Variants in ABCC4 observed in about 807,000 individuals in gnomAD.
ABCC4 encodes ATP-binding cassette sub-family C member 4.
ABCC4 carries 102 observed loss-of-function variants against 168.5 expected under a neutral mutation model. The ratio of observed to expected loss-of-function variants is 0.61; its 90% CI spans 0.52 to 0.71. The LOEUF (loss-of-function observed/expected upper bound fraction) is 0.71, where lower values mean the gene tolerates loss of function less well. Ranked by LOEUF, ABCC4 falls within the 30% of genes least tolerant of loss-of-function variation. The pLI is 0.00. For missense variants in ABCC4, 1,402 were observed against 1,605.8 expected, an observed-to-expected ratio of 0.87 and a Z score of 2.17; for synonymous variants, 617 against 590.7, an observed-to-expected ratio of 1.04 and a Z score of -0.65.
chr13:95,233,200 T>C (rs1241215864), intron 4 of ABCC4, among the ~76,000 whole-genome samples: 1 of 152,102 alleles, frequency 6.6e-6, no homozygotes, highest in East Asian at 1.9e-4. Context: ...CTTTACAATG[T>C]ACATTATATA....
chr13:95,086,543 C>G (rs115235660), intron 20 of ABCC4, among the ~76,000 whole-genome samples: 2,147 of 152,272 alleles, frequency 0.014, 63 homozygotes, highest in African/African-American at 0.049. Context: ...ACTACAATGC[C>G]TGTTTGGCAT....
intron 19 of ABCC4, among the ~76,000 whole-genome samples, chr13:95,135,249 TTTAA>T (rs1274102780): frequency 2.6e-5 from 4 of 152,126 alleles, no homozygotes; most frequent in Non-Finnish European, 5.9e-5. Context: ...TTTGCTCATA[TTTAA>T]TTTAGACTCG....
intron 1 of ABCC4, among the ~76,000 whole-genome samples, chr13:95,296,301 T>C (rs1470338544): frequency 2.0e-5 from 3 of 151,920 alleles, no homozygotes; most frequent in African/African-American, 7.2e-5. Context: ...CTGGGCAACA[T>C]AGTGAGACCT....
chr13:95,299,640 A>G (rs1040126448), intron 1 of ABCC4, among the ~76,000 whole-genome samples: 3 of 152,042 alleles, frequency 2.0e-5, no homozygotes, highest in African/African-American at 7.2e-5. Context: ...ATGGCCCAAG[A>G]CAATTCTTCC....
intron 1 of ABCC4, among the ~76,000 whole-genome samples, chr13:95,256,639 T>A (rs948220137): frequency 6.6e-6 from 1 of 151,958 alleles, no homozygotes; most frequent in Non-Finnish European, 1.5e-5. Context: ...GCACCTGTAG[T>A]CCCAGCTACT....
At chr13:95,053,653 T>G (rs1022126251) in intron 26 of ABCC4, 1 of 162,990 alleles carries the variant, frequency 6.1e-6, no homozygotes, top group African/African-American at 2.4e-5. Flanking sequence ...TTAGGATTAT[T>G]TTCTCCGTTG....
At chr13:95,116,884 C>T (rs1028475294) in intron 19 of ABCC4, among the ~76,000 whole-genome samples, 4 of 152,128 alleles carry the variant, frequency 2.6e-5, no homozygotes, top group Non-Finnish European at 4.4e-5. Flanking sequence ...TTCTAATCAA[C>T]GCTTCCGGAA....
rs71111594 is a variant in ABCC4 at position 95,126,720 on chromosome 13, A to AATATATATAT, written c.2456-10729_2456-10720dup. Reference sequence around the variant, plus strand: ...ATAAAAATGCATGAACTTTTTTTGGAATATATATATATATATATATATATA... The same window carrying AATATATATAT: ...ATAAAAATGCATGAACTTTTTTTGGAATATATATATATATATATATATATATATATATATA... On this transcript the variant is annotated intron_variant, in intron 19 of 30. Coordinates refer to ENST00000645237, the MANE Select transcript of ABCC4 (RefSeq NM_005845.5). Among the ~76,000 whole-genome samples, 711 of 81,628 alleles carry AATATATATAT rather than the reference A, an allele frequency of 8.7e-3. 68 individuals carry two copies. Among genetic ancestry groups the AATATATATAT allele is most frequent in the Admixed American group, 0.013 (72 of 5,524 alleles). 53.6% of individuals were successfully genotyped at this position (81,628 alleles called of 152,430 possible).
chr13:95,201,657 A>G (rs1286610015), intron 8 of ABCC4, among the ~76,000 whole-genome samples: 1 of 152,188 alleles, frequency 6.6e-6, no homozygotes, highest in African/African-American at 2.4e-5. Flanking sequence ...TGGAGAGCCC[A>G]AAAGAAGAGA....
intron 19 of ABCC4, among the ~76,000 whole-genome samples, chr13:95,142,841 T>G (rs1038816437): frequency 9.2e-5 from 14 of 152,120 alleles, no homozygotes; most frequent in African/African-American, 2.9e-4. Flanking sequence ...CCAAATACTG[T>G]TTGACTTCTA....
intron 13 of ABCC4, among the ~76,000 whole-genome samples, chr13:95,176,240 G>T (rs1162853459): frequency 8.8e-5 from 7 of 79,398 alleles, no homozygotes; most frequent in Non-Finnish European, 1.3e-4. Context: ...GGGGGGGGGG[G>T]GGGGGTGGAT....
intron 19 of ABCC4, among the ~76,000 whole-genome samples, chr13:95,155,203 G>A (rs917662355): frequency 1.3e-5 from 2 of 151,790 alleles, no homozygotes; most frequent in Non-Finnish European, 2.9e-5. Flanking sequence ...AAGCTGGGAA[G>A]GAATCATTCT....
chr13:95,091,830 AT>A, intron 20 of ABCC4, among the ~76,000 whole-genome samples: 1 of 152,328 alleles, frequency 6.6e-6, no homozygotes, highest in African/African-American at 2.4e-5. Flanking sequence ...CAACACTAAT[AT>A]TGAATGTAAA....
At chr13:95,214,471 G>A (rs2039054512) in intron 4 of ABCC4, among the ~76,000 whole-genome samples, 1 of 152,052 alleles carries the variant, frequency 6.6e-6, no homozygotes, top group South Asian at 2.1e-4. Context: ...CAAAAACAAA[G>A]AGATCTATAC....
intron 20 of ABCC4, among the ~76,000 whole-genome samples, chr13:95,102,996 G>A (rs2034867782): frequency 2.6e-5 from 4 of 151,656 alleles, no homozygotes; most frequent in Non-Finnish European, 4.4e-5. Context: ...GCCGGGCGCA[G>A]TGGCTCACGC....
intron 27 of ABCC4, among the ~76,000 whole-genome samples, chr13:95,047,601 TCC>T (rs2032643562): frequency 6.8e-6 from 1 of 147,364 alleles, no homozygotes; most frequent in South Asian, 2.2e-4. Flanking sequence ...TGCCTCAGCC[TCC>T]CGAGTAGCTG....
chr13:95,062,768 T>A lies in ABCC4; in HGVS notation c.3302A>T (p.Asp1101Val). The change falls in exon 26 of 31, where the codon GAT (aspartate) becomes GTT (valine). Residue 1101 changes from aspartate to valine, a missense_variant. This residue lies in a region of ABCC4 where 1,007 missense variants were observed against 1,127.3 expected (regional missense o/e 0.89). Transcript: ENST00000645237. ...LSEPEGKIWIDKILTTEIGLH... is the reference protein window; with the variant it reads ...LSEPEGKIWIVKILTTEIGLH... ...TCCAATTTCAGTTGTCAAGATCTTATCAATCCAAATTTTACCTTCGGGTTC... is the reference window on the plus strand; with the variant it reads ...TCCAATTTCAGTTGTCAAGATCTTAACAATCCAAATTTTACCTTCGGGTTC... The A allele has an allele frequency of 6.2e-7, 1 of 1,614,030 alleles. No homozygotes were observed. The highest frequency in any genetic ancestry group is 8.5e-7 in the Non-Finnish European group (1 of 1,180,006).
rs11412332 is a variant in ABCC4 at position 95,243,897 on chromosome 13, TA to T, written c.306+3077del. Among the ~76,000 whole-genome samples the T allele has an allele frequency of 4.7e-4, 67 of 142,096 alleles. 1 individual carries two copies. Among genetic ancestry groups the T allele is most frequent in the Admixed American group, 5.6e-4 (8 of 14,260 alleles). The allele number at this position is 142,096 out of a possible 152,430, so 93.2% of individuals were successfully genotyped here. On this transcript the variant is annotated intron_variant, in intron 3 of 30. Coordinates refer to ENST00000645237, the MANE Select transcript of ABCC4 (RefSeq NM_005845.5). ...TGAGACCCCACCTCAGACGAAAACA[TA>T]AAAAAAAAAAAAGAGTTCGTGGTCA...
chr13:95,178,058 C>T lies in ABCC4; in HGVS notation c.1579G>A (p.Val527Met). Residue 527 changes from valine (V) to methionine (M), a missense_variant, in exon 12 of 31, where the codon GTG becomes ATG. By Grantham distance (21) the Val-to-Met change is conservative. Around this residue, in one of 3 missense-constraint regions of ABCC4, gnomAD observed 1,007 missense variants for 1,127.3 expected, o/e 0.89. Transcript: ENST00000645237. ...LQLLEDGDLTVIGDRGTTLSG... is the reference protein window; with the variant it reads ...LQLLEDGDLTMIGDRGTTLSG... Reference sequence around the variant, plus strand: ...AGCGTGGTTCCCCGATCTCCTATCACAGTCAGATCACCATCCTCCAACAGC... The same window carrying T: ...AGCGTGGTTCCCCGATCTCCTATCATAGTCAGATCACCATCCTCCAACAGC... The T allele has an allele frequency of 1.2e-6, 2 of 1,614,202 alleles. No homozygotes were observed. The highest frequency in any genetic ancestry group is 1.7e-6 in the Non-Finnish European group (2 of 1,180,026).
Sources: allele counts gnomAD v4.1 joint callset (sites outside exome capture counted in the v4.1 genomes callset), GRCh38; gene constraint gnomAD v4.1.1; regional missense constraint gnomAD v4.1.1; transcripts MANE v1.5; gene names NCBI Gene and HGNC (gene_info 2026-07-23, HGNC 2026-07-21).